The following PRKCB variants were observed in gnomAD, a reference collection of about 807,000 sequenced individuals.
PRKCB encodes protein kinase C beta type.
Under a neutral mutation model 81.5 loss-of-function variants are expected in PRKCB, and 13 were observed. The ratio of observed to expected loss-of-function variants is 0.16; its 90% confidence interval spans 0.10 to 0.25. The LOEUF is 0.25. Ranked by LOEUF, PRKCB falls within the 10% of genes least tolerant of loss-of-function variation. PRKCB has a pLI of 1.00. For missense variants in PRKCB, 509 were observed against 875.7 expected (o/e 0.58, Z 5.29); for synonymous variants, 335 against 321.4 (o/e 1.04, Z -0.45).
chr16:24,123,365 AG>A, intron 8 of PRKCB, among the ~76,000 whole-genome samples: 1 of 152,320 alleles, frequency 6.6e-6, no homozygotes, highest in East Asian at 1.9e-4. Flanking sequence ...GGAGCTGGAA[AG>A]CCAGGTAGGG....
At chr16:24,029,755 G>A (rs1965527753) in intron 3 of PRKCB, among the ~76,000 whole-genome samples, 2 of 152,180 alleles carry the variant, frequency 1.3e-5, no homozygotes. Flanking sequence ...TTTAAAGGAG[G>A]CATCTGTGGC....
chr16:23,910,615 A>T (rs1309649690), intron 2 of PRKCB, among the ~76,000 whole-genome samples: 1 of 152,200 alleles, frequency 6.6e-6, no homozygotes, highest in East Asian at 1.9e-4. Context: ...ATATTCAGAG[A>T]TATTGATTTT....
chr16:24,147,120 A>T (rs1967001654), intron 9 of PRKCB, among the ~76,000 whole-genome samples: 1 of 151,802 alleles, frequency 6.6e-6, no homozygotes, highest in South Asian at 2.1e-4. Context: ...CATCCTGGCT[A>T]ACACGATGAA....
intron 2 of PRKCB, among the ~76,000 whole-genome samples, chr16:23,867,062 CTCTTTCTTTCTT>C (rs767462158): frequency 6.4e-4 from 41 of 63,776 alleles, no homozygotes; most frequent in African/African-American, 1.7e-3. Context: ...CTCTCTCTCT[CTCTTTCTTTCTT>C]TCTCTTTCTT....
chr16:23,847,368 CTATCTATCT>C (rs1962390893), intron 2 of PRKCB, among the ~76,000 whole-genome samples: 3 of 7,404 alleles, frequency 4.1e-4, no homozygotes, highest in Non-Finnish European at 7.3e-4. Flanking sequence ...ATCTATCTAT[CTATCTATCT>C]GTCCATCTAT....
intron 2 of PRKCB, among the ~76,000 whole-genome samples, chr16:23,924,195 C>G (rs188647205): frequency 1.3e-5 from 2 of 152,020 alleles, no homozygotes; most frequent in African/African-American, 2.4e-5. Flanking sequence ...GGCTCCTCCC[C>G]CTTCACTCCT....
chr16:24,063,853 A>G (rs1351039945), intron 5 of PRKCB, among the ~76,000 whole-genome samples: 1 of 152,176 alleles, frequency 6.6e-6, no homozygotes, highest in Non-Finnish European at 1.5e-5. Flanking sequence ...TGTGGTGGCA[A>G]AAAGCTAATA....
intron 2 of PRKCB, among the ~76,000 whole-genome samples, chr16:23,905,240 G>A (rs1007077739): frequency 1.6e-4 from 25 of 151,978 alleles, no homozygotes; most frequent in Admixed American, 6.6e-5. Context: ...TTGGCCTTAC[G>A]TCTGTGGAAT....
chr16:23,931,641 C>G (rs951493568), intron 2 of PRKCB, among the ~76,000 whole-genome samples: 1 of 152,006 alleles, frequency 6.6e-6, no homozygotes, highest in African/African-American at 2.4e-5. Context: ...AAGCTTCCTC[C>G]CTCCTTTCCA....
chr16:24,124,046 C>T, intron 9 of PRKCB, 65 bp downstream of exon 9: 1 of 1,588,308 alleles, frequency 6.3e-7, no homozygotes, highest in South Asian at 1.1e-5. Context: ...GGCACATTTG[C>T]TGTTCCTATG....
Position 24,218,099 on chromosome 16 carries a change from G to A in PRKCB, c.*3283G>A. 1 of 985,358 alleles carries A rather than the reference G, an allele frequency of 1.0e-6. No individual in the cohort carries two copies. Among genetic ancestry groups the A allele is most frequent in the Middle Eastern group, 5.2e-4 (1 of 1,914 alleles). 61.0% of individuals were successfully genotyped at this position (985,358 alleles called of 1,614,324 possible). On this transcript the variant is annotated 3_prime_UTR_variant, in exon 17 of 17. Transcript: ENST00000643927. ...TTAGCACTGGAAATACACTAGTGAA[G>A]AAGCAGATGAGGACCCTGTTTATTG...
chr16:24,213,280 G>A (rs911656245), intron 16 of PRKCB, among the ~76,000 whole-genome samples: 2 of 151,870 alleles, frequency 1.3e-5, no homozygotes, highest in African/African-American at 2.4e-5. Flanking sequence ...TGATCCACCC[G>A]CCTCCTCCTC....
At chr16:23,947,409 G>A (rs1006855914) in intron 2 of PRKCB, among the ~76,000 whole-genome samples, 1 of 152,186 alleles carries the variant, frequency 6.6e-6, no homozygotes, top group Admixed American at 6.5e-5. Context: ...CTTGATCTTA[G>A]TTTTGGTTCT....
At chr16:23,895,510 G>A (rs964585245) in intron 2 of PRKCB, among the ~76,000 whole-genome samples, 7 of 151,980 alleles carry the variant, frequency 4.6e-5, no homozygotes, top group Non-Finnish European at 8.8e-5. Context: ...TAGTATGCTC[G>A]TCTCCTACTA....
chr16:24,154,838 A>T lies in PRKCB; in HGVS notation c.1220A>T (p.His407Leu). 6.2e-7 allele frequency: 1 copy of T among 1,613,642 alleles called. No individual in the cohort carries two copies. Among genetic ancestry groups the T allele is most frequent in the African/African-American group, 1.3e-5 (1 of 74,948 alleles). ...AAGCCGCCCTTCCTGACCCAGCTCCACTCCTGCTTCCAGACCATGGTAACT... is the reference window on the plus strand; with the variant it reads ...AAGCCGCCCTTCCTGACCCAGCTCCTCTCCTGCTTCCAGACCATGGTAACT... ...PGKPPFLTQL[H>L]SCFQTMDRLY... The change falls in exon 10 of 17, where the codon CAC (histidine) becomes CTC (leucine). Residue 407 changes from histidine to leucine, a missense_variant. By Grantham distance (99) the His-to-Leu change is moderately conservative (BLOSUM62 -3). Coordinates refer to ENST00000643927, the MANE Select transcript of PRKCB (RefSeq NM_002738.7).
chr16:24,178,997 C>T (rs754917342), intron 12 of PRKCB, among the ~76,000 whole-genome samples: 9 of 152,206 alleles, frequency 5.9e-5, no homozygotes, highest in Admixed American at 6.5e-5. Flanking sequence ...CACCCTCCCT[C>T]TAGGCTCTGC....
At chr16:24,035,980 C>A (rs1165997224) in intron 5 of PRKCB, among the ~76,000 whole-genome samples, 1 of 152,090 alleles carries the variant, frequency 6.6e-6, no homozygotes, top group East Asian at 1.9e-4. Flanking sequence ...AAAATGGAGT[C>A]TTGATGATAA....
At chr16:23,929,752 AT>A (rs1271821514) in intron 2 of PRKCB, among the ~76,000 whole-genome samples, 2 of 151,940 alleles carry the variant, frequency 1.3e-5, no homozygotes, top group African/African-American at 4.8e-5. Flanking sequence ...TAAGGGATCT[AT>A]TTTTTTCTTG....
intron 3 of PRKCB, among the ~76,000 whole-genome samples, chr16:23,998,155 C>G (rs937238987): frequency 6.6e-6 from 1 of 152,166 alleles, no homozygotes; most frequent in African/African-American, 2.4e-5. Context: ...AATTTTTTCC[C>G]GCCTTTGGGT....
Sources: gnomAD v4.1 joint callset for allele counts (sites outside exome capture counted in the v4.1 genomes callset) on GRCh38, gnomAD v4.1.1 for gene constraint, MANE v1.5 for transcripts, NCBI Gene and HGNC (gene_info 2026-07-23, HGNC 2026-07-21) for gene names.